JAM2: variants seen among roughly 807,000 people sequenced by gnomAD.
The protein encoded by JAM2 is junctional adhesion molecule B.
In JAM2, 17 loss-of-function variants were observed where a neutral mutation model predicts 42.0. The observed-to-expected ratio is 0.40, with a 90% CI of 0.28 to 0.61. The LOEUF is 0.61. Among genes scored for constraint, JAM2 ranks in the 20% least tolerant of loss-of-function variants. JAM2 has a pLI of 0.37. For synonymous variants in JAM2, 118 were observed against 128.6 expected, an observed-to-expected ratio of 0.92 and a Z score of 0.56; for missense variants, 319 against 358.3, an observed-to-expected ratio of 0.89 and a Z score of 0.89.
In JAM2 at chr21:25,695,411, A is replaced by C. The variant is rs368758202; in HGVS notation, c.394+1503A>C. On this transcript the variant is annotated intron_variant, in intron 4 of 9. Coordinates refer to ENST00000480456, the MANE Select transcript of JAM2 (RefSeq NM_021219.4). ...GACACAGCAACAATCTGATTTCTCT[A>C]TCTTTTCCCCACATTTCCCCCTTTT... 3.3e-5 allele frequency among the ~76,000 whole-genome samples: 5 copies of C among 152,324 alleles called. No homozygotes were observed. In the East Asian group the frequency reaches 7.7e-4, roughly 23 times the overall value.
intron 1 of JAM2, chr21:25,643,850 C>T (rs936994868): frequency 2.6e-5 from 4 of 152,168 alleles, no homozygotes; most frequent in South Asian, 2.1e-4. Flanking sequence ...CAGGAGCTTA[C>T]GGATGTTCAC....
At chr21:25,664,148 A>C (rs2033157828) in intron 1 of JAM2, among the ~76,000 whole-genome samples, 1 of 152,232 alleles carries the variant, frequency 6.6e-6, no homozygotes, top group African/African-American at 2.4e-5. Flanking sequence ...CCTGTTTCCC[A>C]TGCCATTGAA....
At chr21:25,699,713 G>A (rs1410711432) in intron 5 of JAM2, among the ~76,000 whole-genome samples, 14 of 117,980 alleles carry the variant, frequency 1.2e-4, no homozygotes, top group East Asian at 2.6e-4. Flanking sequence ...ACAGAGCCAG[G>A]CTCCGTCTCA....
intron 4 of JAM2, among the ~76,000 whole-genome samples, chr21:25,694,155 T>C (rs1318539174): frequency 6.6e-6 from 1 of 152,242 alleles, no homozygotes; most frequent in Non-Finnish European, 1.5e-5. Flanking sequence ...GTGGAGGCAA[T>C]TCCTAATGAT....
At chr21:25,664,592 T>G (rs1037345449) in intron 1 of JAM2, among the ~76,000 whole-genome samples, 26 of 152,248 alleles carry the variant, frequency 1.7e-4, no homozygotes, top group African/African-American at 5.8e-4. Flanking sequence ...CGAACATTGT[T>G]GACACTCCCT....
chr21:25,659,130 A>C (rs183983897), intron 1 of JAM2, among the ~76,000 whole-genome samples: 26 of 152,326 alleles, frequency 1.7e-4, no homozygotes, highest in African/African-American at 6.0e-4. Context: ...ACTAAATGGG[A>C]GAAATATCCA....
intron 4 of JAM2, among the ~76,000 whole-genome samples, chr21:25,697,766 G>A (rs1036983399): frequency 3.0e-4 from 46 of 152,082 alleles, no homozygotes; most frequent in Non-Finnish European, 4.6e-4. Flanking sequence ...TTAGCTGGTC[G>A]TGGTGGCTCG....
chr21:25,671,910 A>T (rs1023405928), intron 1 of JAM2, among the ~76,000 whole-genome samples: 1 of 152,216 alleles, frequency 6.6e-6, no homozygotes, highest in African/African-American at 2.4e-5. Context: ...ATCTCTTTTT[A>T]TGCTAATCTC....
chr21:25,681,340 C>G (rs1173129674), intron 1 of JAM2, among the ~76,000 whole-genome samples: 2 of 152,174 alleles, frequency 1.3e-5, no homozygotes, highest in East Asian at 3.9e-4. Flanking sequence ...TTCAGCATGG[C>G]TGGGGAGGCC....
rs1283936913 is a variant in JAM2, at chr21:25,715,988, T to TA, written c.*1316_*1317insA. ...AACATGATGGTTAATCTTCTTTCTT[T>TA]TTTTTTTTTTTTTTTTGAGACGGAG... On this transcript the variant is annotated 3_prime_UTR_variant, in exon 10 of 10. Transcript: ENST00000480456. The TA allele has an allele frequency of 6.8e-6, 1 of 146,264 alleles. No homozygotes were observed. The highest frequency in any genetic ancestry group is 1.5e-5 in the Non-Finnish European group (1 of 66,278). The allele number at this position is 146,264 out of a possible 1,614,324, so 9.1% of individuals were successfully genotyped here. A position where few individuals can be genotyped will look rare whatever the true frequency, so the allele number is the denominator to read the frequency against.
intron 7 of JAM2, among the ~76,000 whole-genome samples, chr21:25,706,661 T>C (rs1445959736): frequency 6.6e-6 from 1 of 152,220 alleles, no homozygotes; most frequent in African/African-American, 2.4e-5. Context: ...GAGGCATCCT[T>C]GGAGTGGTGC....
chr21:25,712,338 A>T lies in JAM2; in HGVS notation c.822-2A>T. 6.3e-7 allele frequency: 1 copy of T among 1,583,966 alleles called. No homozygotes were observed. The highest frequency in any genetic ancestry group is 1.1e-5 in the South Asian group (1 of 90,096). On this transcript the variant is annotated splice_acceptor_variant, in intron 8 of 9. Coordinates refer to ENST00000480456, the MANE Select transcript of JAM2 (RefSeq NM_021219.4). LOFTEE classifies it high-confidence loss of function. ...ATATTGTCTTTTATATTCCACAAAC[A>T]GGAAGAGTAATTCTTCATCTAAAGC...
rs1280749663 is a variant in JAM2, at chr21:25,693,051, A to G, written c.242-705A>G. 2.6e-5 allele frequency among the ~76,000 whole-genome samples: 4 copies of G among 152,196 alleles called. No homozygotes were observed. The East Asian group carries it at 7.7e-4, about 29-fold the overall frequency. On this transcript the variant is annotated intron_variant, in intron 3 of 9. Coordinates refer to ENST00000480456, the MANE Select transcript of JAM2 (RefSeq NM_021219.4). ...TATCTTACAGCAGCAATTAGATCTG[A>G]CTGCATATGGACAAAAACATTAATT...
chr21:25,704,700 T>C (rs577860972), intron 6 of JAM2, among the ~76,000 whole-genome samples: 14 of 152,290 alleles, frequency 9.2e-5, no homozygotes, highest in African/African-American at 3.1e-4. Context: ...AAAATCCTCA[T>C]GGACAAGATG....
chr21:25,659,615 G>A (rs111315465), intron 1 of JAM2, among the ~76,000 whole-genome samples: 28 of 152,058 alleles, frequency 1.8e-4, no homozygotes, highest in African/African-American at 6.0e-4. Flanking sequence ...ATTAATATGA[G>A]ACTTTTTCTG....
chr21:25,710,653 G>C (rs776815545), intron 8 of JAM2, among the ~76,000 whole-genome samples: 1 of 152,126 alleles, frequency 6.6e-6, no homozygotes, highest in African/African-American at 2.4e-5. Flanking sequence ...GGATGTCAGC[G>C]GGACCAGGGT....
At chr21:25,669,923 ATTTAG>A (rs1475058868) in intron 1 of JAM2, among the ~76,000 whole-genome samples, 3 of 152,246 alleles carry the variant, frequency 2.0e-5, no homozygotes, top group African/African-American at 7.2e-5. Flanking sequence ...GTAGAATACA[ATTTAG>A]TTCTTTATCC....
At chr21:25,668,884 T>A (rs1345218531) in intron 1 of JAM2, among the ~76,000 whole-genome samples, 1 of 152,130 alleles carries the variant, frequency 6.6e-6, no homozygotes, top group Non-Finnish European at 1.5e-5. Flanking sequence ...AGAAAGCGTG[T>A]TAAGAAGAAG....
chr21:25,707,943 C>A (rs1171437940), intron 7 of JAM2, among the ~76,000 whole-genome samples: 1 of 151,974 alleles, frequency 6.6e-6, no homozygotes, highest in Non-Finnish European at 1.5e-5. Flanking sequence ...TTTCCGGGCT[C>A]AAGCAGTCCT....
Sources: gnomAD v4.1 joint callset for allele counts (sites outside exome capture counted in the v4.1 genomes callset) on GRCh38, gnomAD v4.1.1 for gene constraint, MANE v1.5 for transcripts, NCBI Gene and HGNC (gene_info 2026-07-23, HGNC 2026-07-21) for gene names.